Variants in TSPEAR observed in about 807,000 individuals in gnomAD.
TSPEAR encodes the protein thrombospondin type laminin G domain and EAR repeats.
Under a neutral mutation model 71.6 loss-of-function variants are expected in TSPEAR, and 69 were observed. The observed-to-expected ratio is 0.96, with a 90% CI of 0.79 to 1.18. The LOEUF (loss-of-function observed/expected upper bound fraction) is 1.18, where lower values mean the gene tolerates loss of function less well. Ranked by LOEUF, TSPEAR falls within the 50% of genes most tolerant of loss-of-function variation. TSPEAR has a pLI of 0.00. For missense variants in TSPEAR, 971 were observed against 894.9 expected, an observed-to-expected ratio of 1.09 and a Z score of -1.09; for synonymous variants, 402 against 387.2, an observed-to-expected ratio of 1.04 and a Z score of -0.45.
intron 1 of TSPEAR, among the ~76,000 whole-genome samples, chr21:44,640,862 T>C (rs1174114685): frequency 6.6e-6 from 1 of 152,176 alleles, no homozygotes; most frequent in Non-Finnish European, 1.5e-5. Context: ...CTTTAACTGA[T>C]GGGTCGAGTT....
In TSPEAR at chr21:44,520,457, G is replaced by A. The variant is rs999313192; in HGVS notation, c.1566+1426C>T. ...CCACTGGACCATGAGTGCCCGAAGGGTGGGGCGGTGGTCACCTGGATGACG... is the reference window on the plus strand; with the variant it reads ...CCACTGGACCATGAGTGCCCGAAGGATGGGGCGGTGGTCACCTGGATGACG... On this transcript the variant is annotated intron_variant, in intron 9 of 11. Transcript: ENST00000323084. The surrounding 1 kb of genome is among the most constrained non-coding windows in gnomAD (Gnocchi z 4.2). 1 of 152,378 alleles carries A rather than the reference G, an allele frequency of 6.6e-6. No homozygotes were observed. Among genetic ancestry groups the A allele is most frequent in the East Asian group, 1.9e-4 (1 of 5,168 alleles). 9.4% of individuals were successfully genotyped at this position (152,378 alleles called of 1,614,324 possible).
chr21:44,702,733 C>T (rs1987718464), intron 1 of TSPEAR: 6 of 1,436,046 alleles, frequency 4.2e-6, no homozygotes, highest in East Asian at 2.3e-5. Flanking sequence ...CGTGTCCCTC[C>T]TCTGCCGCCG....
intron 1 of TSPEAR, chr21:44,601,838 G>C: frequency 6.9e-7 from 1 of 1,438,982 alleles, no homozygotes; most frequent in African/African-American, 1.4e-5. Context: ...AAGCCCTGCA[G>C]TGGACGTCAG....
intron 1 of TSPEAR, among the ~76,000 whole-genome samples, chr21:44,576,862 C>T (rs985410113): frequency 6.6e-6 from 1 of 152,192 alleles, no homozygotes; most frequent in Non-Finnish European, 1.5e-5. Flanking sequence ...GCACGTGGAA[C>T]ATCCACCAAC....
chr21:44,591,390 G>A lies in TSPEAR; in HGVS notation c.83-23385C>T, dbSNP rs782547201. The A allele has an allele frequency of 3.1e-6, 5 of 1,603,298 alleles. No individual in the cohort carries two copies. In the East Asian group the frequency reaches 6.7e-5, roughly 21 times the overall value. Reference sequence around the variant, plus strand: ...CTCCGGATCACATCCAGGGCTGTCAGCAGCTGGACTTCTGGCCAGAGCAGA... The same window carrying A: ...CTCCGGATCACATCCAGGGCTGTCAACAGCTGGACTTCTGGCCAGAGCAGA... On this transcript the variant is annotated intron_variant, in intron 1 of 11. Transcript: ENST00000323084.
In TSPEAR at chr21:44,588,857, G is replaced by A. The variant is rs148101199; in HGVS notation, c.83-20852C>T. Among the ~76,000 whole-genome samples the A allele has an allele frequency of 5.8e-3, 881 of 151,676 alleles. 7 individuals are homozygous for A. Among genetic ancestry groups the A allele is most frequent in the African/African-American group, 0.02 (848 of 41,382 alleles). Reference sequence around the variant, plus strand: ...GAATTAATGGCATTCACAGAGACCTGGATGAGATTGGAGATTATTATTCTA... The same window carrying A: ...GAATTAATGGCATTCACAGAGACCTAGATGAGATTGGAGATTATTATTCTA... On this transcript the variant is annotated intron_variant, in intron 1 of 11. Coordinates refer to ENST00000323084, the MANE Select transcript of TSPEAR (RefSeq NM_144991.3).
intron 1 of TSPEAR, among the ~76,000 whole-genome samples, chr21:44,700,424 G>C (rs1239017364): frequency 6.6e-6 from 1 of 152,126 alleles, no homozygotes; most frequent in Non-Finnish European, 1.5e-5. Context: ...ATGAAGGACG[G>C]GAGAGAGGAG....
At chr21:44,521,819 C>T (rs1196501345) in intron 9 of TSPEAR, 64 bp downstream of exon 9, 3 of 1,451,186 alleles carry the variant, frequency 2.1e-6, no homozygotes, top group African/African-American at 2.8e-5. Context: ...ACCTGTCCAG[C>T]AGGTGCAGGT....
intron 1 of TSPEAR, among the ~76,000 whole-genome samples, chr21:44,605,080 A>G (rs1398548641): frequency 6.6e-6 from 1 of 152,238 alleles, no homozygotes; most frequent in East Asian, 1.9e-4. Flanking sequence ...TAGTCTTCAA[A>G]CTATTAGGAC....
At chr21:44,513,307 G>A (rs781945057) in intron 9 of TSPEAR, among the ~76,000 whole-genome samples, 8 of 152,210 alleles carry the variant, frequency 5.3e-5, no homozygotes, top group Non-Finnish European at 8.8e-5. Context: ...ACATTCAGAA[G>A]TGAGGAGGTG....
At chr21:44,630,816 C>T (rs1983213552) in intron 1 of TSPEAR, among the ~76,000 whole-genome samples, 1 of 152,222 alleles carries the variant, frequency 6.6e-6, no homozygotes, top group Non-Finnish European at 1.5e-5. Flanking sequence ...GAAACTCTGT[C>T]TAATTACTAT....
In TSPEAR at chr21:44,638,023, C is replaced by T. The variant is rs142126512; in HGVS notation, c.83-70018G>A. 95 of 1,613,422 alleles carry T rather than the reference C, an allele frequency of 5.9e-5. No homozygotes were observed. In the East Asian group the frequency reaches 1.4e-3, roughly 25 times the overall value. Reference sequence around the variant, plus strand: ...GCCACCCTGTGTGCAAGTCCACCTGCTGCGTGCCCGTCCCCTCCTGCGGTG... The same window carrying T: ...GCCACCCTGTGTGCAAGTCCACCTGTTGCGTGCCCGTCCCCTCCTGCGGTG... On this transcript the variant is annotated intron_variant, in intron 1 of 11. Transcript: ENST00000323084.
intron 1 of TSPEAR, chr21:44,682,038 C>T (rs1555948135): frequency 2.5e-6 from 4 of 1,614,072 alleles, no homozygotes; most frequent in Non-Finnish European, 3.4e-6. Context: ...GGACTGGCAG[C>T]CCACGGGGAT....
intron 1 of TSPEAR, among the ~76,000 whole-genome samples, chr21:44,649,951 G>A (rs587703834): frequency 2.0e-5 from 3 of 152,314 alleles, no homozygotes; most frequent in South Asian, 2.1e-4. Context: ...TGGTCCAGAC[G>A]TGGCGCATGC....
intron 1 of TSPEAR, among the ~76,000 whole-genome samples, chr21:44,625,664 C>T (rs1367220490): frequency 6.6e-6 from 1 of 152,244 alleles, no homozygotes; most frequent in East Asian, 1.9e-4. Context: ...CCTCTCTTTC[C>T]TTGCTCCCCT....
chr21:44,594,949 G>A (rs1393961931), intron 1 of TSPEAR, among the ~76,000 whole-genome samples: 1 of 151,462 alleles, frequency 6.6e-6, no homozygotes, highest in African/African-American at 2.4e-5. Flanking sequence ...AGCCTCCCGA[G>A]TAGCTGGGAT....
At chr21:44,521,114 G>A (rs1401304910) in intron 9 of TSPEAR, among the ~76,000 whole-genome samples, 1 of 152,218 alleles carries the variant, frequency 6.6e-6, no homozygotes. Flanking sequence ...CACCAGGGAG[G>A]TGATGTCTTA....
In TSPEAR at chr21:44,523,575, CGTCA is replaced by C. The variant is rs200884704; in HGVS notation, c.1337-1467_1337-1464del. 4.0e-3 allele frequency among the ~76,000 whole-genome samples: 600 copies of C among 149,782 alleles called. 1 individual carries two copies. The highest frequency in any genetic ancestry group is 0.011 in the Middle Eastern group (3 of 268). On this transcript the variant is annotated intron_variant, in intron 8 of 11. Transcript: ENST00000323084. ...CAGTCAGTAAGTCAGTCAGTTAGGT[CGTCA>C]GTCAGTCAGTTCAGTAGTTAGGTAG...
Position 44,593,984 on chromosome 21 carries a change from G to A in TSPEAR, c.83-25979C>T, listed in dbSNP as rs972633700. On this transcript the variant is annotated intron_variant, in intron 1 of 11. Transcript: ENST00000323084. The surrounding 1 kb of genome is among the most constrained non-coding windows in gnomAD (Gnocchi z 5.9). ...CCCCAACCATGGACTGGCTCCAGCC[G>A]GTTTACAGAGGCTGTGCACTGGAGT... Among the ~76,000 whole-genome samples the A allele has an allele frequency of 4.6e-5, 7 of 152,196 alleles. No individual in the cohort carries two copies. The highest frequency in any genetic ancestry group is 1.2e-4 in the African/African-American group (5 of 41,454).
Sources: allele counts gnomAD v4.1 joint callset (sites outside exome capture counted in the v4.1 genomes callset), GRCh38; gene constraint gnomAD v4.1.1; non-coding constraint Gnocchi (gnomAD v3.1); transcripts MANE v1.5; gene names NCBI Gene and HGNC (gene_info 2026-07-23, HGNC 2026-07-21).